The following CCSER1 variants were observed in gnomAD, a reference collection of about 807,000 sequenced individuals.
The protein encoded by CCSER1 is serine-rich coiled-coil domain-containing protein 1.
In CCSER1, 41 loss-of-function variants were observed where a neutral mutation model predicts 82.0. The ratio of observed to expected loss-of-function variants is 0.50; its 90% confidence interval spans 0.39 to 0.65. CCSER1 has a LOEUF of 0.65. CCSER1 is among the 30% of genes least tolerant of loss of function. CCSER1 has a pLI of 0.00. For missense variants in CCSER1, 1,119 were observed against 1,064.2 expected (o/e 1.05, Z -0.72); for synonymous variants, 414 against 383.9 (o/e 1.08, Z -0.92).
chr4:90,642,578 C>A (rs1726740236), intron 6 of CCSER1: 1 of 152,162 alleles, frequency 6.6e-6, no homozygotes, highest in African/African-American at 2.4e-5. Flanking sequence ...GTGGCTCATG[C>A]CTGTAATCCC....
intron 9 of CCSER1, among the ~76,000 whole-genome samples, chr4:91,034,437 C>T (rs1470510633): frequency 5.3e-5 from 8 of 152,156 alleles, no homozygotes; most frequent in Non-Finnish European, 1.5e-5. Flanking sequence ...CAAATCCTAG[C>T]TTGATTCTTC....
chr4:91,406,015 T>C (rs1472723935), intron 10 of CCSER1, among the ~76,000 whole-genome samples: 1 of 152,156 alleles, frequency 6.6e-6, no homozygotes, highest in Non-Finnish European at 1.5e-5. Context: ...TGCCTCCCGA[T>C]ATATGTATAT....
intron 7 of CCSER1, chr4:90,780,653 C>T: frequency 1.5e-6 from 2 of 1,358,716 alleles, no homozygotes; most frequent in Non-Finnish European, 9.4e-7. Context: ...TCAAATGATT[C>T]TCTTAAAATA....
At chr4:91,196,162 G>A (rs1316184633) in intron 10 of CCSER1, among the ~76,000 whole-genome samples, 1 of 149,024 alleles carries the variant, frequency 6.7e-6, no homozygotes, top group Admixed American at 6.7e-5. Flanking sequence ...AGTCCGGCCT[G>A]GGCCAAACAG....
intron 7 of CCSER1, among the ~76,000 whole-genome samples, chr4:90,771,939 A>G (rs536241321): frequency 2.6e-5 from 4 of 152,252 alleles, no homozygotes; most frequent in African/African-American, 4.8e-5. Context: ...AATTTTGTCT[A>G]TATGGATACT....
intron 10 of CCSER1, among the ~76,000 whole-genome samples, chr4:91,466,400 T>C (rs1359265935): frequency 6.6e-6 from 1 of 152,054 alleles, no homozygotes; most frequent in Non-Finnish European, 1.5e-5. Context: ...CAATATCATA[T>C]TGAATGGGCA....
chr4:90,816,584 TAGAA>T (rs1489874122), intron 8 of CCSER1, among the ~76,000 whole-genome samples: 3 of 152,108 alleles, frequency 2.0e-5, no homozygotes, highest in South Asian at 2.1e-4. Context: ...AATAATTAAA[TAGAA>T]AGAAATAAGA....
At chr4:91,328,714 G>T (rs1746737807) in intron 10 of CCSER1, among the ~76,000 whole-genome samples, 1 of 152,088 alleles carries the variant, frequency 6.6e-6, no homozygotes, top group Non-Finnish European at 1.5e-5. Context: ...TGGCACCTGG[G>T]AATGTAGACA....
intron 7 of CCSER1, among the ~76,000 whole-genome samples, chr4:90,798,257 G>C (rs1756309292): frequency 6.6e-6 from 1 of 151,938 alleles, no homozygotes; most frequent in Non-Finnish European, 1.5e-5. Context: ...TCCTTTTCTT[G>C]GTATATTCTG....
intron 10 of CCSER1, among the ~76,000 whole-genome samples, chr4:91,088,808 T>G (rs992399107): frequency 6.6e-6 from 1 of 152,192 alleles, no homozygotes; most frequent in African/African-American, 2.4e-5. Context: ...TTGCAACTCA[T>G]AGAAAAACCT....
chr4:90,971,758 C>T, intron 9 of CCSER1, among the ~76,000 whole-genome samples: 1 of 151,800 alleles, frequency 6.6e-6, no homozygotes, highest in Middle Eastern at 3.2e-3. Flanking sequence ...ATGTAAAAGT[C>T]CTTTCCAAAA....
intron 6 of CCSER1, among the ~76,000 whole-genome samples, chr4:90,664,824 C>G (rs1031445734): frequency 2.6e-5 from 4 of 151,708 alleles, no homozygotes; most frequent in Admixed American, 2.0e-4. Flanking sequence ...TGCTTGAAGC[C>G]AGGAGGCAGA....
At chr4:90,570,449 C>T (rs1033011799) in intron 5 of CCSER1, among the ~76,000 whole-genome samples, 1 of 152,124 alleles carries the variant, frequency 6.6e-6, no homozygotes, top group African/African-American at 2.4e-5. Context: ...CCTAAGGATG[C>T]TCTGCCCTTG....
chr4:90,446,777 C>T (rs1401329552), intron 4 of CCSER1, among the ~76,000 whole-genome samples: 1 of 152,116 alleles, frequency 6.6e-6, no homozygotes, highest in South Asian at 2.1e-4. Context: ...CCCCTTCCAC[C>T]TTATCCACCT....
intron 10 of CCSER1, among the ~76,000 whole-genome samples, chr4:91,190,559 T>C (rs952067976): frequency 6.6e-6 from 1 of 152,314 alleles, no homozygotes; most frequent in Middle Eastern, 3.4e-3. Flanking sequence ...ACTTTCAGGA[T>C]GATGTATTTT....
intron 10 of CCSER1, among the ~76,000 whole-genome samples, chr4:91,378,322 T>G (rs1269255895): frequency 6.6e-6 from 1 of 152,206 alleles, no homozygotes; most frequent in Non-Finnish European, 1.5e-5. Flanking sequence ...TGGCATTGAA[T>G]CTATAAATTA....
chr4:91,216,583 G>A (rs537402245), intron 10 of CCSER1, among the ~76,000 whole-genome samples: 2 of 152,264 alleles, frequency 1.3e-5, no homozygotes, highest in Admixed American at 6.5e-5. Context: ...GCCTCCCAAA[G>A]TGCTGGGATT....
chr4:90,494,281 G>T (rs986418947), intron 5 of CCSER1, among the ~76,000 whole-genome samples: 3 of 151,972 alleles, frequency 2.0e-5, no homozygotes, highest in African/African-American at 7.2e-5. Context: ...CTTAGTGACC[G>T]ACAAAGAGAC....
chr4:90,912,836 C>T (rs151258182), intron 8 of CCSER1, among the ~76,000 whole-genome samples: 62 of 152,138 alleles, frequency 4.1e-4, no homozygotes, highest in East Asian at 2.3e-3. Context: ...AACTACGTGA[C>T]GAATGCCCAA....
Sources: allele counts gnomAD v4.1 joint callset (sites outside exome capture counted in the v4.1 genomes callset), GRCh38; gene constraint gnomAD v4.1.1; transcripts MANE v1.5; gene names NCBI Gene and HGNC (gene_info 2026-07-23, HGNC 2026-07-21).